Variants in AFG2A observed in about 807,000 individuals in gnomAD.
The protein encoded by AFG2A is ATPase family gene 2 protein homolog A.
chr4:123,156,531 C>A, the AFG2A span, among the ~76,000 whole-genome samples: 1 of 152,022 alleles, frequency 6.6e-6, no homozygotes, highest in Non-Finnish European at 1.5e-5. Flanking sequence ...AGAAAATAAT[C>A]CCTTTAGCAA....
the AFG2A span, among the ~76,000 whole-genome samples, chr4:123,128,118 A>G: frequency 6.6e-6 from 1 of 152,160 alleles, no homozygotes; most frequent in Non-Finnish European, 1.5e-5. Context: ...GGAAAGAGTG[A>G]TGTCCTGGAA....
chr4:123,197,744 G>T, the AFG2A span, among the ~76,000 whole-genome samples: 1 of 150,936 alleles, frequency 6.6e-6, no homozygotes, highest in Non-Finnish European at 1.5e-5. Context: ...CTCCAGCCTG[G>T]GTGACGGAGT....
At chr4:122,952,395 C>T in the AFG2A span, among the ~76,000 whole-genome samples, 6,251 of 152,204 alleles carry the variant, frequency 0.041, 418 homozygotes, top group African/African-American at 0.14. Context: ...TCTCAGTGGG[C>T]CCCCTTCTTG....
chr4:123,135,651 G>A, the AFG2A span, among the ~76,000 whole-genome samples: 2,914 of 152,210 alleles, frequency 0.019, 96 homozygotes, highest in African/African-American at 0.066. Flanking sequence ...GTATAACAAC[G>A]TTTACATAGC....
chr4:122,924,224 T>C, the AFG2A span, among the ~76,000 whole-genome samples: 1 of 152,176 alleles, frequency 6.6e-6, no homozygotes, highest in Non-Finnish European at 1.5e-5. Flanking sequence ...ACATGCTCAT[T>C]TCTCTTCCAT....
At chr4:123,138,235 T>C in the AFG2A span, among the ~76,000 whole-genome samples, 1 of 152,104 alleles carries the variant, frequency 6.6e-6, no homozygotes, top group Non-Finnish European at 1.5e-5. Context: ...TGCAAAGAGA[T>C]TTCATTGCCC....
At chr4:122,954,484 C>T in the AFG2A span, among the ~76,000 whole-genome samples, 1 of 152,176 alleles carries the variant, frequency 6.6e-6, no homozygotes, top group Admixed American at 6.5e-5. Flanking sequence ...TTATCCCAGT[C>T]CTCACTCTGC....
chr4:123,256,378 C>T, the AFG2A span, among the ~76,000 whole-genome samples: 1 of 152,148 alleles, frequency 6.6e-6, no homozygotes, highest in Non-Finnish European at 1.5e-5. Flanking sequence ...TTGTTTTTTA[C>T]TTGCTCCTAT....
the AFG2A span, among the ~76,000 whole-genome samples, chr4:122,937,702 C>A: frequency 6.6e-6 from 1 of 152,164 alleles, no homozygotes; most frequent in African/African-American, 2.4e-5. Context: ...GAGAATTGAT[C>A]ATCTTGCAAG....
the AFG2A span, among the ~76,000 whole-genome samples, chr4:123,259,026 C>T: frequency 3.7e-4 from 56 of 151,932 alleles, no homozygotes; most frequent in African/African-American, 1.3e-3. Context: ...ACCACCACGC[C>T]CAGCTAATTT....
At chr4:123,203,876 A>C in the AFG2A span, among the ~76,000 whole-genome samples, 1 of 152,234 alleles carries the variant, frequency 6.6e-6, no homozygotes, top group Non-Finnish European at 1.5e-5. Context: ...TAACAATCCA[A>C]CATATGTCTC....
chr4:123,214,095 A>C, the AFG2A span, among the ~76,000 whole-genome samples: 62 of 152,276 alleles, frequency 4.1e-4, no homozygotes, highest in Middle Eastern at 3.4e-3. Flanking sequence ...GGTAATTAGC[A>C]TACAATAGCT....
chr4:123,079,391 G>C, the AFG2A span, among the ~76,000 whole-genome samples: 1 of 152,084 alleles, frequency 6.6e-6, no homozygotes, highest in Non-Finnish European at 1.5e-5. Flanking sequence ...ATATAACTAA[G>C]GATAGGATCT....
the AFG2A span, among the ~76,000 whole-genome samples, chr4:123,059,974 G>A: frequency 1.9e-4 from 29 of 152,262 alleles, no homozygotes; most frequent in African/African-American, 5.8e-4. Flanking sequence ...GTCTGTTCAT[G>A]TCCTTTGCCC....
chr4:123,099,904 A>G, the AFG2A span, among the ~76,000 whole-genome samples: 2 of 151,878 alleles, frequency 1.3e-5, no homozygotes, highest in Admixed American at 6.6e-5. Flanking sequence ...TGGGATTTTC[A>G]GGCTTAGATT....
At chr4:122,963,624 C>T in the AFG2A span, among the ~76,000 whole-genome samples, 1 of 152,096 alleles carries the variant, frequency 6.6e-6, no homozygotes, top group Non-Finnish European at 1.5e-5. Context: ...CAGTGTTGAT[C>T]ACAGTAGAGA....
chr4:123,262,460 C>T, the AFG2A span, among the ~76,000 whole-genome samples: 3 of 152,194 alleles, frequency 2.0e-5, no homozygotes, highest in East Asian at 5.8e-4. Context: ...CTCTCAGTTC[C>T]ACTTGAAGGA....
At chr4:123,265,886 GTCTC>G in the AFG2A span, among the ~76,000 whole-genome samples, 6 of 152,022 alleles carry the variant, frequency 3.9e-5, no homozygotes, top group East Asian at 9.7e-4. Flanking sequence ...CAAATTCTCA[GTCTC>G]TCTATTTCCT....
At chr4:122,993,258 A>G in the AFG2A span, among the ~76,000 whole-genome samples, 1 of 151,954 alleles carries the variant, frequency 6.6e-6, no homozygotes, top group African/African-American at 2.4e-5. Context: ...CTCCTGGAGT[A>G]CTGGGATTAC....
Sources: gnomAD v4.1 joint callset for allele counts (sites outside exome capture counted in the v4.1 genomes callset) on GRCh38, gnomAD v4.1.1 for gene constraint, MANE v1.5 for transcripts, NCBI Gene and HGNC (gene_info 2026-07-23, HGNC 2026-07-21) for gene names.